SLC25A24: variants seen among roughly 807,000 people sequenced by gnomAD.
SLC25A24 encodes mitochondrial adenyl nucleotide antiporter SLC25A24.
A neutral mutation model predicts 60.7 loss-of-function variants in SLC25A24; 49 were observed. The ratio of observed to expected loss-of-function variants is 0.81; its 90% CI spans 0.64 to 1.02. SLC25A24 has a LOEUF of 1.02. Among genes scored for constraint, SLC25A24 ranks in the 50% least tolerant of loss-of-function variants. The pLI, the probability that SLC25A24 is intolerant of heterozygous loss-of-function variation, is 0.00. For missense variants in SLC25A24, 564 were observed against 586.3 expected (o/e 0.96, Z 0.39); for synonymous variants, 202 against 200.6 (o/e 1.01, Z -0.06).
At chr1:108,157,651 C>T in intron 4 of SLC25A24, 31 bp from the exon 5 acceptor site, 1 of 1,595,836 alleles carries the variant, frequency 6.3e-7, no homozygotes, top group Non-Finnish European at 8.6e-7. Context: ...TCCCCATGCG[C>T]CTTAGTTAAA....
chr1:108,149,722 G>A (rs982648496), intron 6 of SLC25A24, among the ~76,000 whole-genome samples: 4 of 152,140 alleles, frequency 2.6e-5, no homozygotes, highest in African/African-American at 9.7e-5. Context: ...TCAACAGAGA[G>A]AAGTGGACTC....
intron 3 of SLC25A24, among the ~76,000 whole-genome samples, chr1:108,180,346 C>A (rs1343900887): frequency 1.3e-5 from 2 of 149,064 alleles, no homozygotes; most frequent in Non-Finnish European, 3.0e-5. Context: ...GCCTGGGCAA[C>A]AGAGCTAGAC....
chr1:108,136,417 G>T lies in SLC25A24; in HGVS notation c.*236C>A. On this transcript the variant is annotated 3_prime_UTR_variant, in exon 10 of 10. Transcript: ENST00000565488. Reference sequence around the variant, plus strand: ...GGGCAGAGATTTGCAGGATTATTAAGAAAAGATAAAGTATAATTGTGTGGC... The same window carrying T: ...GGGCAGAGATTTGCAGGATTATTAATAAAAGATAAAGTATAATTGTGTGGC... The T allele has an allele frequency of 2.6e-6, 1 of 381,334 alleles. No homozygotes were observed. The highest frequency in any genetic ancestry group is 4.7e-6 in the Non-Finnish European group (1 of 215,008). 23.6% of individuals were successfully genotyped at this position (381,334 alleles called of 1,614,324 possible).
chr1:108,187,090 A>AAAT (rs1553256698), intron 1 of SLC25A24, among the ~76,000 whole-genome samples: 3 of 151,612 alleles, frequency 2.0e-5, no homozygotes, highest in Non-Finnish European at 2.9e-5. Context: ...AAAAAAAAAA[A>AAAT]AATTAAAAAA....
Position 108,161,177 on chromosome 1 carries a change from C to T in SLC25A24, c.510+5G>A, listed in dbSNP as rs1680069405. 1.4e-6 allele frequency: 2 copies of T among 1,396,950 alleles called. No homozygotes were observed. Among genetic ancestry groups the T allele is most frequent in the Non-Finnish European group, 2.0e-6 (2 of 984,402 alleles). 86.5% of individuals were successfully genotyped at this position (1,396,950 alleles called of 1,614,324 possible). A position where few individuals can be genotyped will look rare whatever the true frequency, so the allele number is the denominator to read the frequency against. ...AATAAGTATAAATACATAAAGTAGA[C>T]TTACTGTAGAATGTTTCCAGAAACG... On this transcript the variant is annotated splice_donor_5th_base_variant and intron_variant, in intron 4 of 9. Transcript: ENST00000565488.
At chr1:108,169,309 A>C (rs1386022849) in intron 3 of SLC25A24, among the ~76,000 whole-genome samples, 1 of 152,046 alleles carries the variant, frequency 6.6e-6, no homozygotes, top group Non-Finnish European at 1.5e-5. Flanking sequence ...CTTTGATATA[A>C]ATTTGAGACT....
chr1:108,140,834 A>G (rs1402976735), intron 8 of SLC25A24, among the ~76,000 whole-genome samples: 1 of 137,972 alleles, frequency 7.2e-6, no homozygotes, highest in East Asian at 2.2e-4. Flanking sequence ...AAAAAAAAAA[A>G]TCAACAAAAC....
Position 108,161,204 on chromosome 1 carries a change from A to T in SLC25A24, c.488T>A (p.Ile163Asn). Residue 163 changes from isoleucine (I) to asparagine (N), a missense_variant, in exon 4 of 10, where the codon ATC (isoleucine) becomes AAC (asparagine). Physicochemically the swap from Ile to Asn is moderately radical, Grantham distance 149. Transcript: ENST00000565488. ...FNPVTDIEEI[I>N]RFWKHSTGID... ...TACTGTAGAATGTTTCCAGAAACGG[A>T]TAATTTCCTCAATGTCTGTAACAGG... The T allele has an allele frequency of 6.4e-7, 1 of 1,571,438 alleles. No homozygotes were observed. Among genetic ancestry groups the T allele is most frequent in the Non-Finnish European group, 8.8e-7 (1 of 1,141,948 alleles).
chr1:108,157,733 T>C (rs1364021755), intron 4 of SLC25A24, 113 bp from the exon 5 acceptor site: 1 of 1,207,448 alleles, frequency 8.3e-7, no homozygotes, highest in African/African-American at 1.5e-5. Flanking sequence ...CTTCATTCCC[T>C]AGAATTTATA....
intron 6 of SLC25A24, among the ~76,000 whole-genome samples, chr1:108,152,598 C>G (rs554013114): frequency 1.5e-3 from 229 of 152,346 alleles, no homozygotes; most frequent in African/African-American, 5.4e-3. Context: ...CTCAAGCAAA[C>G]TACCTCCTAA....
At chr1:108,175,025 G>C (rs1253641662) in intron 3 of SLC25A24, among the ~76,000 whole-genome samples, 2 of 152,120 alleles carry the variant, frequency 1.3e-5, no homozygotes, top group Non-Finnish European at 2.9e-5. Flanking sequence ...TGGACTTTTA[G>C]GTTAACGCTG....
chr1:108,183,330 C>A (rs569522510), intron 2 of SLC25A24, among the ~76,000 whole-genome samples: 2 of 152,272 alleles, frequency 1.3e-5, no homozygotes, highest in African/African-American at 4.8e-5. Context: ...TATGCAAATA[C>A]CCTTCTGAAT....
rs749274052 is a variant in SLC25A24 at position 108,200,165 on chromosome 1, C to T, written c.-27G>A. 7.2e-6 allele frequency: 11 copies of T among 1,533,796 alleles called. No homozygotes were observed. The highest frequency in any genetic ancestry group is 1.4e-5 in the African/African-American group (1 of 72,552). Reference sequence around the variant, plus strand: ...GTCCCAGAGGCGCAGGCGGCCTGGCCGAGGAAGTCACGGGAGATCGAGGGC... The same window carrying T: ...GTCCCAGAGGCGCAGGCGGCCTGGCTGAGGAAGTCACGGGAGATCGAGGGC... On this transcript the variant is annotated 5_prime_UTR_variant, in exon 1 of 10. Coordinates refer to ENST00000565488, the MANE Select transcript of SLC25A24 (RefSeq NM_013386.5).
rs1393490299 is a variant in SLC25A24, at chr1:108,192,554, A to G, written c.184-6600T>C. 2 of 1,499,924 alleles carry G rather than the reference A, an allele frequency of 1.3e-6. 1 individual carries two copies. The highest frequency in any genetic ancestry group is 5.5e-5 in the East Asian group (2 of 36,098). The allele number at this position is 1,499,924 out of a possible 1,614,324, so 92.9% of individuals were successfully genotyped here. The stretch of plus-strand genomic sequence containing the variant: ...ATCCTCCAGGCCTTCCTGAAGCTCA[A>G]AAATGTCCAAGGTCCCATCCTTGTT... On this transcript the variant is annotated intron_variant, in intron 1 of 9. Coordinates refer to ENST00000565488, the MANE Select transcript of SLC25A24 (RefSeq NM_013386.5).
At chr1:108,163,818 C>T (rs1396282355) in intron 3 of SLC25A24, among the ~76,000 whole-genome samples, 2 of 152,116 alleles carry the variant, frequency 1.3e-5, no homozygotes, top group Non-Finnish European at 2.9e-5. Flanking sequence ...GCCAGAACTT[C>T]CAACACTATG....
intron 1 of SLC25A24, among the ~76,000 whole-genome samples, chr1:108,189,057 A>C (rs1183455576): frequency 6.6e-6 from 1 of 152,230 alleles, no homozygotes; most frequent in Non-Finnish European, 1.5e-5. Context: ...TGTCATCCTG[A>C]AAACAAGATT....
intron 7 of SLC25A24, among the ~76,000 whole-genome samples, chr1:108,146,608 G>C (rs546641934): frequency 2.0e-5 from 3 of 152,198 alleles, no homozygotes; most frequent in Non-Finnish European, 4.4e-5. Context: ...CTAGTTTAGT[G>C]AGAGTTTTTA....
At chr1:108,148,152 T>A in intron 7 of SLC25A24, 127 bp downstream of exon 7, 1 of 686,704 alleles carries the variant, frequency 1.5e-6, no homozygotes, top group East Asian at 2.6e-5. Context: ...TCCAGATTCC[T>A]GACCCAGAGA....
chr1:108,134,728 A>G lies in SLC25A24; in HGVS notation c.*1925T>C, dbSNP rs1679232784. On this transcript the variant is annotated 3_prime_UTR_variant, in exon 10 of 10. Transcript: ENST00000565488. ...ATCTAAGCTAGCTAAGCTGTAGGAT[A>G]CAATTTTTGCTTTATTTATAATTTT... The G allele has an allele frequency of 1.3e-5, 2 of 152,162 alleles. No homozygotes were observed. The highest frequency in any genetic ancestry group is 1.3e-4 in the Admixed American group (2 of 15,272). The allele number at this position is 152,162 out of a possible 1,614,324, so 9.4% of individuals were successfully genotyped here.
Sources: gnomAD v4.1 joint callset for allele counts (sites outside exome capture counted in the v4.1 genomes callset) on GRCh38, gnomAD v4.1.1 for gene constraint, MANE v1.5 for transcripts, NCBI Gene and HGNC (gene_info 2026-07-23, HGNC 2026-07-21) for gene names.